PPM1H: variants seen among roughly 807,000 people sequenced by gnomAD.
The protein encoded by PPM1H is protein phosphatase 1H.
Under a neutral mutation model 54.9 loss-of-function variants are expected in PPM1H, and 27 were observed. The observed-to-expected ratio is 0.49, with a 90% CI of 0.36 to 0.68. The LOEUF (loss-of-function observed/expected upper bound fraction) is 0.68, where lower values mean the gene tolerates loss of function less well. PPM1H is among the 30% of genes least tolerant of loss of function. The pLI, the probability that PPM1H is intolerant of heterozygous loss-of-function variation, is 0.00. For synonymous variants in PPM1H, 305 were observed against 270.8 expected (o/e 1.13, Z -1.24); for missense variants, 596 against 667.8 (o/e 0.89, Z 1.19).
intron 7 of PPM1H, among the ~76,000 whole-genome samples, chr12:62,692,932 G>GACACACACACGCAC (rs2076090748): frequency 6.8e-6 from 1 of 146,694 alleles, no homozygotes; most frequent in East Asian, 2.0e-4. Context: ...CTTTTGCTCT[G>GACACACACACGCAC]ACACACACAC....
intron 2 of PPM1H, among the ~76,000 whole-genome samples, chr12:62,823,344 A>G (rs2120823484): frequency 6.6e-6 from 1 of 152,356 alleles, no homozygotes; most frequent in African/African-American, 2.4e-5. Flanking sequence ...ATTCCTTCTG[A>G]AACTATTCCA....
chr12:62,753,188 T>C (rs2076451488), intron 4 of PPM1H, among the ~76,000 whole-genome samples: 2 of 152,070 alleles, frequency 1.3e-5, no homozygotes. Flanking sequence ...CACAGAAAAA[T>C]AGGTCTGTTC....
chr12:62,759,783 C>T (rs1298324786), intron 4 of PPM1H, among the ~76,000 whole-genome samples: 3 of 151,212 alleles, frequency 2.0e-5, no homozygotes, highest in African/African-American at 7.3e-5. Context: ...GGGTAAGCAC[C>T]TCCCACCCCA....
chr12:62,845,096 T>C (rs939178403), intron 1 of PPM1H, among the ~76,000 whole-genome samples: 1 of 152,230 alleles, frequency 6.6e-6, no homozygotes, highest in Non-Finnish European at 1.5e-5. Flanking sequence ...AAGAAGGCCC[T>C]GGAGGGCCAG....
chr12:62,809,044 T>C (rs1029851809), intron 2 of PPM1H, among the ~76,000 whole-genome samples: 1 of 152,208 alleles, frequency 6.6e-6, no homozygotes, highest in African/African-American at 2.4e-5. Flanking sequence ...AATGATCAAA[T>C]AGGTTTTGCT....
chr12:62,898,809 C>A (rs900820282), intron 1 of PPM1H, among the ~76,000 whole-genome samples: 27 of 152,214 alleles, frequency 1.8e-4, no homozygotes, highest in African/African-American at 6.5e-4. Context: ...ATCTCTGGCT[C>A]TGTGGCAATC....
Position 62,647,144 on chromosome 12 carries a change from G to GTAGA in PPM1H, c.*1341_*1344dup, listed in dbSNP as rs1306466997. The GTAGA allele has an allele frequency of 6.6e-5, 10 of 152,196 alleles. No individual in the cohort carries two copies. 9.4% of individuals were successfully genotyped at this position (152,196 alleles called of 1,614,324 possible). A position where few individuals can be genotyped will look rare whatever the true frequency, so the allele number is the denominator to read the frequency against. On this transcript the variant is annotated 3_prime_UTR_variant, in exon 10 of 10. Transcript: ENST00000228705. ...ATTCCTCCCAGCAGAGAAGCAGCAGGTAGATATGGCATGCACTGTGCCTGC... is the reference window on the plus strand; with the variant it reads ...ATTCCTCCCAGCAGAGAAGCAGCAGGTAGATAGATATGGCATGCACTGTGCCTGC...
intron 2 of PPM1H, among the ~76,000 whole-genome samples, chr12:62,810,257 T>C (rs954869747): frequency 2.0e-5 from 3 of 152,272 alleles, no homozygotes; most frequent in Non-Finnish European, 2.9e-5. Flanking sequence ...TACTCCAGGA[T>C]TGGGGATGAC....
intron 1 of PPM1H, among the ~76,000 whole-genome samples, chr12:62,876,661 C>T (rs932615538): frequency 6.6e-6 from 1 of 152,134 alleles, no homozygotes; most frequent in Non-Finnish European, 1.5e-5. Flanking sequence ...GCCCCAAGAG[C>T]GGAAACCAGC....
intron 4 of PPM1H, among the ~76,000 whole-genome samples, chr12:62,759,107 T>G (rs911666387): frequency 6.6e-6 from 1 of 152,228 alleles, no homozygotes; most frequent in Non-Finnish European, 1.5e-5. Flanking sequence ...CTGACTCTCT[T>G]TTTGGACTCA....
At position 62,934,467 on chromosome 12, in the gene PPM1H, G is replaced by A. The variant is rs1326493575; in HGVS notation, c.245+25C>T. On this transcript the variant is annotated intron_variant, in intron 1 of 9. Transcript: ENST00000228705. The surrounding 1 kb of genome is among the most constrained non-coding windows in gnomAD (Gnocchi z 4.2). ...GGGAAGGGCCGCGAGGAGAGCAGGG[G>A]CGCCGCCGGTGTCGCTGCACTCACT... 2 of 1,522,090 alleles carry A rather than the reference G, an allele frequency of 1.3e-6. No individual in the cohort carries two copies. The highest frequency in any genetic ancestry group is 2.0e-5 in the Admixed American group (1 of 49,450). 94.3% of individuals were successfully genotyped at this position (1,522,090 alleles called of 1,614,324 possible). A position where few individuals can be genotyped will look rare whatever the true frequency, so the allele number is the denominator to read the frequency against.
At chr12:62,726,281 C>CGGTT (rs1396831952) in intron 5 of PPM1H, among the ~76,000 whole-genome samples, 1 of 152,018 alleles carries the variant, frequency 6.6e-6, no homozygotes, top group African/African-American at 2.4e-5. Context: ...AAAACACTTA[C>CGGTT]GGTTATTAGT....
chr12:62,892,431 A>G (rs537703311), intron 1 of PPM1H, among the ~76,000 whole-genome samples: 1 of 152,330 alleles, frequency 6.6e-6, no homozygotes. Context: ...AGCTTCAGCT[A>G]CTTGTCTTCT....
chr12:62,891,954 G>A (rs538652216), intron 1 of PPM1H, among the ~76,000 whole-genome samples: 11 of 152,204 alleles, frequency 7.2e-5, no homozygotes, highest in African/African-American at 2.2e-4. Flanking sequence ...GTAGATAAAC[G>A]ATAACATCTT....
intron 1 of PPM1H, among the ~76,000 whole-genome samples, chr12:62,895,727 G>GCACTCA (rs1429859225): frequency 6.6e-6 from 1 of 152,086 alleles, no homozygotes; most frequent in Non-Finnish European, 1.5e-5. Context: ...CTCTGCACTT[G>GCACTCA]CACTCACTTA....
intron 1 of PPM1H, among the ~76,000 whole-genome samples, chr12:62,869,971 G>C (rs1043094474): frequency 1.3e-5 from 2 of 152,120 alleles, no homozygotes; most frequent in Non-Finnish European, 2.9e-5. Flanking sequence ...CGAGGAGCAG[G>C]ACCATGTTTA....
chr12:62,836,789 A>G (rs1868516081), intron 1 of PPM1H, among the ~76,000 whole-genome samples: 1 of 152,146 alleles, frequency 6.6e-6, no homozygotes, highest in African/African-American at 2.4e-5. Context: ...AGTTTATTCA[A>G]CTCTTAGAAG....
chr12:62,727,209 T>G lies in PPM1H; in HGVS notation c.955-6920A>C, dbSNP rs531227373. On this transcript the variant is annotated intron_variant, in intron 5 of 9. Coordinates refer to ENST00000228705, the MANE Select transcript of PPM1H (RefSeq NM_020700.2). ...CCATGAGCCACCATGCCCGGCCATG[T>G]GTCCATCATTTTTAAAACCTTAACT... 3.3e-5 allele frequency among the ~76,000 whole-genome samples: 5 copies of G among 152,214 alleles called. No homozygotes were observed. The South Asian group carries it at 1.0e-3, about 32-fold the overall frequency.
intron 1 of PPM1H, among the ~76,000 whole-genome samples, chr12:62,836,036 C>A (rs1868492859): frequency 6.6e-6 from 1 of 152,208 alleles, no homozygotes; most frequent in African/African-American, 2.4e-5. Flanking sequence ...AGGGGCACCA[C>A]TCCATTGCTG....
Sources: allele counts gnomAD v4.1 joint callset (sites outside exome capture counted in the v4.1 genomes callset), GRCh38; gene constraint gnomAD v4.1.1; non-coding constraint Gnocchi (gnomAD v3.1); transcripts MANE v1.5; gene names NCBI Gene and HGNC (gene_info 2026-07-23, HGNC 2026-07-21).